The following LSAMP variants were observed in gnomAD, a reference collection of about 807,000 sequenced individuals.
The protein encoded by LSAMP is limbic system-associated membrane protein.
In LSAMP, 7 loss-of-function variants were observed where a neutral mutation model predicts 38.6. The ratio of observed to expected loss-of-function variants is 0.18; its 90% CI spans 0.10 to 0.34. The LOEUF is 0.34. Ranked by LOEUF, LSAMP falls within the 10% of genes least tolerant of loss-of-function variation. The pLI is 1.00. For synonymous variants in LSAMP, 154 were observed against 166.8 expected (o/e 0.92, Z 0.59); for missense variants, 313 against 420.0 (o/e 0.75, Z 2.23).
intron 4 of LSAMP, among the ~76,000 whole-genome samples, chr3:115,852,175 G>T (rs1935353467): frequency 6.6e-6 from 1 of 152,202 alleles, no homozygotes; most frequent in Non-Finnish European, 1.5e-5. Context: ...GTATGACCTT[G>T]ATTTCCACGA....
In LSAMP at chr3:115,805,656, C is replaced by T. The variant is rs1331437917; in HGVS notation, c.*4661G>A. ...CCCAACGTTAACACCAGCTTCCTTGCCAAGAGAAAAGTGAGATGTACATGC... is the reference window on the plus strand; with the variant it reads ...CCCAACGTTAACACCAGCTTCCTTGTCAAGAGAAAAGTGAGATGTACATGC... On this transcript the variant is annotated 3_prime_UTR_variant, in exon 7 of 7. Coordinates refer to ENST00000490035, the MANE Select transcript of LSAMP (RefSeq NM_002338.5). 1.3e-5 allele frequency: 2 copies of T among 152,148 alleles called. No homozygotes were observed. Among genetic ancestry groups the T allele is most frequent in the African/African-American group, 4.8e-5 (2 of 41,434 alleles). The allele number at this position is 152,148 out of a possible 1,614,324, so 9.4% of individuals were successfully genotyped here.
chr3:116,377,797 C>T (rs1013757457), intron 1 of LSAMP, among the ~76,000 whole-genome samples: 5 of 151,974 alleles, frequency 3.3e-5, no homozygotes, highest in African/African-American at 1.2e-4. Flanking sequence ...TACACAAACA[C>T]ACACACAATA....
intron 1 of LSAMP, among the ~76,000 whole-genome samples, chr3:116,317,084 A>G (rs1220255232): frequency 6.6e-6 from 1 of 152,158 alleles, no homozygotes. Context: ...AATCAGCAGG[A>G]CAAGGGCAGG....
chr3:116,080,612 G>C (rs754039439), intron 2 of LSAMP, among the ~76,000 whole-genome samples: 2 of 152,212 alleles, frequency 1.3e-5, no homozygotes, highest in Non-Finnish European at 2.9e-5. Context: ...AAAAGTTTCA[G>C]TTCTTCCCTT....
chr3:116,186,903 A>C (rs1199702822), intron 1 of LSAMP, among the ~76,000 whole-genome samples: 2 of 152,138 alleles, frequency 1.3e-5, no homozygotes, highest in African/African-American at 2.4e-5. Flanking sequence ...TCAGCATAGA[A>C]GAAAGGCCTT....
At chr3:115,885,507 G>A (rs916960413) in intron 3 of LSAMP, among the ~76,000 whole-genome samples, 10 of 151,822 alleles carry the variant, frequency 6.6e-5, no homozygotes, top group African/African-American at 1.9e-4. Flanking sequence ...AACAAAATAT[G>A]AGGACAGACT....
chr3:116,325,299 C>T (rs2047755276), intron 1 of LSAMP, among the ~76,000 whole-genome samples: 2 of 151,890 alleles, frequency 1.3e-5, no homozygotes, highest in South Asian at 4.2e-4. Flanking sequence ...TACCACCACA[C>T]CTGGCCTAAA....
At chr3:116,407,407 C>T (rs559147012) in intron 1 of LSAMP, among the ~76,000 whole-genome samples, 1 of 152,110 alleles carries the variant, frequency 6.6e-6, no homozygotes, top group African/African-American at 2.4e-5. Context: ...CTGATTATTG[C>T]AAATCTTAAA....
At chr3:116,183,677 A>G (rs1209766901) in intron 1 of LSAMP, among the ~76,000 whole-genome samples, 1 of 151,890 alleles carries the variant, frequency 6.6e-6, no homozygotes, top group Non-Finnish European at 1.5e-5. Flanking sequence ...CCCATTTAGT[A>G]TTAATATAGG....
rs148149871 is a variant in LSAMP, at chr3:116,274,785, A to G, written c.155+170092T>C. The stretch of plus-strand genomic sequence containing the variant: ...GGCAAAAGGTTTTGTGCCTAAATGC[A>G]GTAAAAATAATTTGAAAGAATGATA... On this transcript the variant is annotated intron_variant, in intron 1 of 6. Transcript: ENST00000490035. 7.9e-5 allele frequency among the ~76,000 whole-genome samples: 12 copies of G among 152,132 alleles called. No individual in the cohort carries two copies. In the East Asian group the frequency reaches 2.3e-3, roughly 29 times the overall value.
At position 116,051,494 on chromosome 3, in the gene LSAMP, ATTG is replaced by A. The variant is rs1026356789; in HGVS notation, c.389-31857_389-31855del. Among the ~76,000 whole-genome samples the A allele has an allele frequency of 1.7e-4, 26 of 152,192 alleles. 1 individual carries two copies. The South Asian group carries it at 3.3e-3, about 19-fold the overall frequency. On this transcript the variant is annotated intron_variant, in intron 2 of 6. Coordinates refer to ENST00000490035, the MANE Select transcript of LSAMP (RefSeq NM_002338.5). ...AATTTTTCTTTGGGAATCCTTTATT[ATTG>A]TTGTTGTTGTTTGTTTAAAGAATGT...
chr3:116,048,464 C>G (rs1283960239), intron 2 of LSAMP, among the ~76,000 whole-genome samples: 2 of 152,114 alleles, frequency 1.3e-5, no homozygotes, highest in Non-Finnish European at 2.9e-5. Flanking sequence ...AAAGTATCCA[C>G]AAAAGCACAT....
At chr3:115,885,180 C>A (rs1045453306) in intron 3 of LSAMP, among the ~76,000 whole-genome samples, 1 of 152,016 alleles carries the variant, frequency 6.6e-6, no homozygotes, top group East Asian at 1.9e-4. Flanking sequence ...TGTGCAGTGC[C>A]ATGTGGCTGG....
intron 1 of LSAMP, among the ~76,000 whole-genome samples, chr3:116,145,301 C>T (rs969725171): frequency 1.3e-5 from 2 of 151,586 alleles, no homozygotes; most frequent in Admixed American, 1.3e-4. Context: ...ACCAGAGAAC[C>T]AGAACTAATA....
intron 3 of LSAMP, among the ~76,000 whole-genome samples, chr3:115,925,561 T>C (rs1241524863): frequency 6.6e-6 from 1 of 152,202 alleles, no homozygotes; most frequent in African/African-American, 2.4e-5. Flanking sequence ...CTATATTTGA[T>C]ATTGCAAACT....
rs35112915 is a variant in LSAMP at position 115,869,269 on chromosome 3, G to GGAGAGAGAGAGAGAGAGAGAGAGA, written c.515-16676_515-16653dup. On this transcript the variant is annotated intron_variant, in intron 3 of 6. Transcript: ENST00000490035. ...CCTTCATAACCTCTATCTTGGAGGG[G>GGAGAGAGAGAGAGAGAGAGAGAGA]GAGAGAGAGAGAGAGAGAGAGAGAG... Among the ~76,000 whole-genome samples the GGAGAGAGAGAGAGAGAGAGAGAGA allele has an allele frequency of 3.4e-3, 432 of 128,402 alleles. 5 individuals carry two copies. Among genetic ancestry groups the GGAGAGAGAGAGAGAGAGAGAGAGA allele is most frequent in the South Asian group, 5.3e-3 (20 of 3,784 alleles). 84.2% of individuals were successfully genotyped at this position (128,402 alleles called of 152,430 possible).
At chr3:116,421,118 C>T (rs2049117771) in intron 1 of LSAMP, among the ~76,000 whole-genome samples, 1 of 152,068 alleles carries the variant, frequency 6.6e-6, no homozygotes, top group South Asian at 2.1e-4. Flanking sequence ...TAATTTGAGT[C>T]TAGGCAAAAA....
intron 3 of LSAMP, among the ~76,000 whole-genome samples, chr3:116,005,969 G>A (rs1302327476): frequency 5.3e-5 from 8 of 152,260 alleles, no homozygotes; most frequent in African/African-American, 1.4e-4. Context: ...AGGTATAGCA[G>A]TCATAAAGAA....
intron 3 of LSAMP, among the ~76,000 whole-genome samples, chr3:115,913,442 T>C (rs780913254): frequency 1.8e-4 from 27 of 152,216 alleles, no homozygotes; most frequent in Non-Finnish European, 3.2e-4. Flanking sequence ...CAAATATTTA[T>C]TGAATGCACC....
Sources: gnomAD v4.1 joint callset for allele counts (sites outside exome capture counted in the v4.1 genomes callset) on GRCh38, gnomAD v4.1.1 for gene constraint, MANE v1.5 for transcripts, NCBI Gene and HGNC (gene_info 2026-07-23, HGNC 2026-07-21) for gene names.